IGSF21: variants seen among roughly 807,000 people sequenced by gnomAD.
IGSF21 encodes immunoglobulin superfamily member 21.
Under a neutral mutation model 46.8 loss-of-function variants are expected in IGSF21, and 28 were observed. The observed-to-expected ratio is 0.60, with a 90% confidence interval of 0.44 to 0.82. IGSF21 has a LOEUF of 0.82. Among genes scored for constraint, IGSF21 ranks in the 40% least tolerant of loss-of-function variants. IGSF21 has a pLI of 0.00. For synonymous variants in IGSF21, 284 were observed against 273.6 expected (o/e 1.04, Z -0.38); for missense variants, 624 against 665.5 (o/e 0.94, Z 0.69).
intron 1 of IGSF21, among the ~76,000 whole-genome samples, chr1:18,137,866 T>C (rs1369055824): frequency 6.6e-6 from 1 of 152,122 alleles, no homozygotes; most frequent in East Asian, 1.9e-4. Context: ...AAAAACTCCA[T>C]GAGTTAGATT....
At chr1:18,306,123 T>C (rs1036891689) in intron 3 of IGSF21, among the ~76,000 whole-genome samples, 3 of 152,148 alleles carry the variant, frequency 2.0e-5, no homozygotes, top group Admixed American at 6.5e-5. Context: ...TCCCACTCAC[T>C]TGGGATAGAA....
chr1:18,279,123 T>A (rs1158918892), intron 2 of IGSF21, among the ~76,000 whole-genome samples: 1 of 152,202 alleles, frequency 6.6e-6, no homozygotes, highest in East Asian at 1.9e-4. Flanking sequence ...AACTTGATTC[T>A]TCTAAGCAAG....
intron 2 of IGSF21, among the ~76,000 whole-genome samples, chr1:18,229,442 C>A (rs2124508025): frequency 6.6e-6 from 1 of 152,324 alleles, no homozygotes; most frequent in Non-Finnish European, 1.5e-5. Context: ...ACCAGCCTGT[C>A]TTGGCTGCTC....
chr1:18,377,452 T>C, intron 9 of IGSF21, 21 bp downstream of exon 9: 1 of 1,608,452 alleles, frequency 6.2e-7, no homozygotes, highest in Non-Finnish European at 8.5e-7. Context: ...ACCCTCAGGA[T>C]TTTTTGCTTA....
chr1:18,116,260 A>G (rs1189853280), intron 1 of IGSF21, among the ~76,000 whole-genome samples: 1 of 151,952 alleles, frequency 6.6e-6, no homozygotes, highest in African/African-American at 2.4e-5. Flanking sequence ...TGGTTGTTAC[A>G]CACTTGCCAG....
chr1:18,224,835 C>A (rs942972075), intron 1 of IGSF21, among the ~76,000 whole-genome samples: 1 of 151,884 alleles, frequency 6.6e-6, no homozygotes, highest in East Asian at 1.9e-4. Context: ...GAGGCCCAGG[C>A]GGGTGGATCA....
At chr1:18,181,258 A>C (rs542916921) in intron 1 of IGSF21, among the ~76,000 whole-genome samples, 12 of 152,344 alleles carry the variant, frequency 7.9e-5, no homozygotes, top group African/African-American at 2.4e-4. Context: ...CGTAGCTGTG[A>C]GCACATAGCT....
chr1:18,145,220 C>G (rs1008606857), intron 1 of IGSF21, among the ~76,000 whole-genome samples: 3 of 151,480 alleles, frequency 2.0e-5, no homozygotes, highest in Non-Finnish European at 4.4e-5. Context: ...AAAAAGTTAT[C>G]CTCGGAGTCA....
At position 18,291,951 on chromosome 1, in the gene IGSF21, G is replaced by A. The variant is rs770942594; in HGVS notation, c.269G>A (p.Arg90His). ...STNYSHMENY[R>H]KREDLVYQST... ...AACTACTCACACATGGAGAACTACC[G>A]CAAGCGAGAGGACCTGGTGTACCAG... Residue 90 changes from arginine to histidine, a missense_variant, in exon 3 of 10, where the codon CGC (arginine) becomes CAC (histidine). Transcript: ENST00000251296. 41 of 1,613,886 alleles carry A rather than the reference G, an allele frequency of 2.5e-5. No individual in the cohort carries two copies. The highest frequency in any genetic ancestry group is 1.2e-4 in the South Asian group (11 of 91,044).
rs1399751768 is a variant in IGSF21 at position 18,229,060 on chromosome 1, G to A, written c.183+1050G>A. 4.6e-5 allele frequency among the ~76,000 whole-genome samples: 7 copies of A among 151,546 alleles called. No homozygotes were observed. In the East Asian group the frequency reaches 9.6e-4, roughly 21 times the overall value. On this transcript the variant is annotated intron_variant, in intron 2 of 9. Coordinates refer to ENST00000251296, the MANE Select transcript of IGSF21 (RefSeq NM_032880.5). ...AAAAACTGTTCTTAGCTCGCTGGCT[G>A]TACAGAACAGGCTATAGAATGACTT...
rs556484575 is a variant in IGSF21, at chr1:18,216,874, A to G, written c.71-11024A>G. On this transcript the variant is annotated intron_variant, in intron 1 of 9. Transcript: ENST00000251296. Reference sequence around the variant, plus strand: ...GGTTTGTTGTAATAATATTTATTACAATAGTAATTATGTAGCACTGGAACC... The same window carrying G: ...GGTTTGTTGTAATAATATTTATTACGATAGTAATTATGTAGCACTGGAACC... Among the ~76,000 whole-genome samples, 5 of 152,316 alleles carry G rather than the reference A, an allele frequency of 3.3e-5. 1 individual carries two copies. The South Asian group carries it at 1.0e-3, about 32-fold the overall frequency.
chr1:18,343,937 T>G (rs2085867923), intron 4 of IGSF21, among the ~76,000 whole-genome samples: 1 of 152,142 alleles, frequency 6.6e-6, no homozygotes, highest in Non-Finnish European at 1.5e-5. Flanking sequence ...ACCTTTCCCC[T>G]TAAAAGAAAC....
chr1:18,123,355 A>G (rs1194696810), intron 1 of IGSF21, among the ~76,000 whole-genome samples: 1 of 152,234 alleles, frequency 6.6e-6, no homozygotes, highest in East Asian at 1.9e-4. Flanking sequence ...CTGGGAGCAT[A>G]GGACAGAGCC....
intron 5 of IGSF21, among the ~76,000 whole-genome samples, chr1:18,363,324 C>A (rs755284620): frequency 6.6e-6 from 1 of 152,224 alleles, no homozygotes; most frequent in Non-Finnish European, 1.5e-5. Flanking sequence ...ACCCAATTGT[C>A]TCCCAGGCAT....
intron 1 of IGSF21, among the ~76,000 whole-genome samples, chr1:18,161,930 T>C (rs1044602524): frequency 6.6e-6 from 1 of 152,178 alleles, no homozygotes; most frequent in African/African-American, 2.4e-5. Context: ...TGTTTTCTCA[T>C]CTGCAAAAGG....
At position 18,376,977 on chromosome 1, in the gene IGSF21, C is replaced by A; in HGVS notation, c.1279C>A (p.Arg427=). The A allele has an allele frequency of 6.3e-7, 1 of 1,593,434 alleles. No individual in the cohort carries two copies. Residue 427 remains arginine, a synonymous_variant, in exon 8 of 10, where the codon CGG becomes AGG. Coordinates refer to ENST00000251296, the MANE Select transcript of IGSF21 (RefSeq NM_032880.5). ...NPLGSTDTHT[R]LIVFENPNIP... is the part of the protein sequence containing the mutation. ...ACTGGGCTCCACCGACACGCACACCCGGCTCATCGTGTTTGGTATGGCGCG... is the reference window on the plus strand; with the variant it reads ...ACTGGGCTCCACCGACACGCACACCAGGCTCATCGTGTTTGGTATGGCGCG...
intron 1 of IGSF21, among the ~76,000 whole-genome samples, chr1:18,223,024 G>C (rs1485998350): frequency 6.6e-6 from 1 of 152,106 alleles, no homozygotes; most frequent in East Asian, 1.9e-4. Context: ...CCCAGCCAGA[G>C]AGCCCACCTC....
At chr1:18,354,844 T>C (rs1366097886) in intron 4 of IGSF21, among the ~76,000 whole-genome samples, 1 of 80,514 alleles carries the variant, frequency 1.2e-5, no homozygotes, top group Non-Finnish European at 2.7e-5. Context: ...TAATTAAAGC[T>C]TTCCTGTTTG....
chr1:18,267,248 A>G (rs1047349200), intron 2 of IGSF21, among the ~76,000 whole-genome samples: 10 of 152,202 alleles, frequency 6.6e-5, no homozygotes, highest in Non-Finnish European at 1.3e-4. Flanking sequence ...TACGGGAAGA[A>G]CTTATTCAGG....
Sources: gnomAD v4.1 joint callset for allele counts (sites outside exome capture counted in the v4.1 genomes callset) on GRCh38, gnomAD v4.1.1 for gene constraint, MANE v1.5 for transcripts, NCBI Gene and HGNC (gene_info 2026-07-23, HGNC 2026-07-21) for gene names.